The following NCS1 variants were observed in gnomAD, a reference collection of about 807,000 sequenced individuals.
The protein encoded by NCS1 is frequenin homolog.
A neutral mutation model predicts 28.4 loss-of-function variants in NCS1; 6 were observed. The observed-to-expected ratio is 0.21, with a 90% CI of 0.12 to 0.42. The LOEUF is 0.42. NCS1 is among the 10% of genes least tolerant of loss of function. The probability of loss-of-function intolerance (pLI) is 1.00; values close to 1 mark genes in which losing one functional copy is unlikely to be tolerated. For synonymous variants in NCS1, 86 were observed against 99.3 expected, an observed-to-expected ratio of 0.87 and a Z score of 0.79; for missense variants, 131 against 241.4, an observed-to-expected ratio of 0.54 and a Z score of 3.03.
At chr9:130,227,432 G>A (rs1316858165) in intron 7 of NCS1, among the ~76,000 whole-genome samples, 1 of 152,206 alleles carries the variant, frequency 6.6e-6, no homozygotes, top group Non-Finnish European at 1.5e-5. Flanking sequence ...TAGAATTGCT[G>A]GGACATAGGA....
intron 4 of NCS1, among the ~76,000 whole-genome samples, chr9:130,221,940 A>G (rs190993852): frequency 6.2e-5 from 6 of 96,130 alleles, no homozygotes; most frequent in Non-Finnish European, 1.2e-4. Context: ...AATTATGTAT[A>G]TATAAATATA....
chr9:130,236,733 C>T lies in NCS1; in HGVS notation c.*3761C>T, dbSNP rs1833600389. 6.6e-6 allele frequency: 1 copy of T among 152,326 alleles called. No homozygotes were observed. The highest frequency in any genetic ancestry group is 1.5e-5 in the Non-Finnish European group (1 of 68,068). 9.4% of individuals were successfully genotyped at this position (152,326 alleles called of 1,614,324 possible). ...GTCGCCCTCCCCAGTCTGCACATTCCCTGTTGTCCCTGTTCCTGCAGTGGC... is the reference window on the plus strand; with the variant it reads ...GTCGCCCTCCCCAGTCTGCACATTCTCTGTTGTCCCTGTTCCTGCAGTGGC... On this transcript the variant is annotated 3_prime_UTR_variant, in exon 8 of 8. Coordinates refer to ENST00000372398, the MANE Select transcript of NCS1 (RefSeq NM_014286.4).
Position 130,212,291 on chromosome 9 carries a change from C to G in NCS1, c.90-5541C>G, listed in dbSNP as rs537274009. Among the ~76,000 whole-genome samples, 198 of 152,176 alleles carry G rather than the reference C, an allele frequency of 1.3e-3. 2 individuals carry two copies. Among genetic ancestry groups the G allele is most frequent in the African/African-American group, 4.6e-3 (192 of 41,528 alleles). ...CCAGAGACCATCTGGTCCAGTGGTT[C>G]TCAACCTGGGTGGTTCTGCCCCCGA... On this transcript the variant is annotated intron_variant, in intron 2 of 7. Transcript: ENST00000372398.
rs1554904536 is a variant in NCS1 at position 130,175,779 on chromosome 9, T to C, written c.64+3052T>C. Among the ~76,000 whole-genome samples, 2 of 152,220 alleles carry C rather than the reference T, an allele frequency of 1.3e-5. No individual in the cohort carries two copies. The highest frequency in any genetic ancestry group is 6.5e-5 in the Admixed American group (1 of 15,284). On this transcript the variant is annotated intron_variant, in intron 1 of 7. Coordinates refer to ENST00000372398, the MANE Select transcript of NCS1 (RefSeq NM_014286.4). This position sits in a 1 kb window ranked among gnomAD's most constrained non-coding sequence, Gnocchi z 4.9. ...CCTGGCTCAAACCCTAACCCAGTCC[T>C]CAGCCTTCCACCAGCAACAGGTTAG...
chr9:130,179,086 C>A (rs1832620697), intron 1 of NCS1, among the ~76,000 whole-genome samples: 1 of 151,412 alleles, frequency 6.6e-6, no homozygotes, highest in Admixed American at 6.6e-5. Context: ...GCATCCGCCA[C>A]CACTCCCAGC....
In NCS1 at chr9:130,175,519, C is replaced by T. The variant is rs1014190568; in HGVS notation, c.64+2792C>T. ...CTGCAGATGGTGGTCCTGGGGAGCC[C>T]GGATTGAAGACCACAGTTCCAGTGT... On this transcript the variant is annotated intron_variant, in intron 1 of 7. Coordinates refer to ENST00000372398, the MANE Select transcript of NCS1 (RefSeq NM_014286.4). The surrounding 1 kb of genome is among the most constrained non-coding windows in gnomAD (Gnocchi z 4.9). Among the ~76,000 whole-genome samples, 2 of 152,148 alleles carry T rather than the reference C, an allele frequency of 1.3e-5. No individual in the cohort carries two copies. The highest frequency in any genetic ancestry group is 2.4e-5 in the African/African-American group (1 of 41,434).
chr9:130,211,346 G>A (rs2131144672), intron 2 of NCS1, among the ~76,000 whole-genome samples: 1 of 151,770 alleles, frequency 6.6e-6, no homozygotes, highest in Non-Finnish European at 1.5e-5. Flanking sequence ...GCCTGGAGAT[G>A]CTGGGGCTGG....
chr9:130,179,999 CTATCTATCT>C lies in NCS1; in HGVS notation c.64+7273_64+7281del, dbSNP rs1832631011. On this transcript the variant is annotated intron_variant, in intron 1 of 7. Coordinates refer to ENST00000372398, the MANE Select transcript of NCS1 (RefSeq NM_014286.4). The stretch of plus-strand genomic sequence containing the variant: ...TAGGGATGTCTTGCCTTCTTTTTAT[CTATCTATCT>C]ATCTATCTATCTATCTATCTATCTA... Among the ~76,000 whole-genome samples the C allele has an allele frequency of 7.3e-3, 4 of 550 alleles. No homozygotes were observed. In the Non-Finnish European group the frequency reaches 0.095, roughly 13 times the overall value. The allele number at this position is 550 out of a possible 152,430, so 0.4% of individuals were successfully genotyped here. A position where few individuals can be genotyped will look rare whatever the true frequency, so the allele number is the denominator to read the frequency against.
At chr9:130,208,288 A>T (rs1176642368) in intron 2 of NCS1, among the ~76,000 whole-genome samples, 1 of 144,818 alleles carries the variant, frequency 6.9e-6, no homozygotes, top group Non-Finnish European at 1.5e-5. Context: ...TTCTGCAACT[A>T]TTTTTTTTTT....
intron 1 of NCS1, among the ~76,000 whole-genome samples, chr9:130,189,879 AATATATATATAT>A (rs1203988125): frequency 1.9e-4 from 7 of 37,750 alleles, no homozygotes; most frequent in South Asian, 9.9e-4. Flanking sequence ...AAAAAAAAAA[AATATATATATAT>A]ATATATATAT....
intron 7 of NCS1, among the ~76,000 whole-genome samples, chr9:130,231,911 G>A (rs1833506145): frequency 6.6e-6 from 1 of 151,562 alleles, no homozygotes; most frequent in Admixed American, 6.6e-5. Context: ...CCTAGTGGGT[G>A]TGAAGTGGTT....
rs928803663 is a variant in NCS1, at chr9:130,177,820, T to C, written c.64+5093T>C. Among the ~76,000 whole-genome samples the C allele has an allele frequency of 1.8e-4, 28 of 152,142 alleles. No homozygotes were observed. The highest frequency in any genetic ancestry group is 6.5e-4 in the African/African-American group (27 of 41,430). On this transcript the variant is annotated intron_variant, in intron 1 of 7. Transcript: ENST00000372398. This position sits in a 1 kb window ranked among gnomAD's most constrained non-coding sequence, Gnocchi z 4.4. ...GAGCGGGCCAGAAAGACAAAGGGGTTGTTTGGCAGGAGAGTCCCTGGGAGG... is the reference window on the plus strand; with the variant it reads ...GAGCGGGCCAGAAAGACAAAGGGGTCGTTTGGCAGGAGAGTCCCTGGGAGG...
At chr9:130,179,410 A>G (rs1487477059) in intron 1 of NCS1, among the ~76,000 whole-genome samples, 1 of 152,204 alleles carries the variant, frequency 6.6e-6, no homozygotes, top group Non-Finnish European at 1.5e-5. Context: ...GTCATTGGAC[A>G]GTTAGCTTCC....
chr9:130,219,600 C>A lies in NCS1; in HGVS notation c.229-125C>A. 1.2e-6 allele frequency: 1 copy of A among 839,964 alleles called. No homozygotes were observed. The allele number at this position is 839,964 out of a possible 1,614,324, so 52.0% of individuals were successfully genotyped here. A position where few individuals can be genotyped will look rare whatever the true frequency, so the allele number is the denominator to read the frequency against. ...CCCCATTCCTTCGAGCCTGCCCTCT[C>A]CACCTGAGTGTCCATTGGCCACAGT... On this transcript the variant is annotated intron_variant, in intron 3 of 7. Transcript: ENST00000372398. The surrounding 1 kb of genome is among the most constrained non-coding windows in gnomAD (Gnocchi z 5.7).
At chr9:130,214,430 A>G (rs1390736728) in intron 2 of NCS1, among the ~76,000 whole-genome samples, 3 of 152,250 alleles carry the variant, frequency 2.0e-5, no homozygotes, top group Admixed American at 6.5e-5. Context: ...AATGCAAGGA[A>G]GTGAGGCTTC....
chr9:130,223,850 C>CT (rs1172041445), intron 6 of NCS1, among the ~76,000 whole-genome samples: 3 of 151,008 alleles, frequency 2.0e-5, no homozygotes, highest in African/African-American at 4.9e-5. Context: ...AAACCCTTCT[C>CT]TTTTTTTTTG....
rs1832823860 is a variant in NCS1 at position 130,192,126 on chromosome 9, TG to T, written c.65-8830del. Reference sequence around the variant, plus strand: ...GCCCAGCTGCCCTTTAGCCAGGCAGTGGTGGCAGACAGGTATGGGATTGGGA... The same window carrying T: ...GCCCAGCTGCCCTTTAGCCAGGCAGTGTGGCAGACAGGTATGGGATTGGGA... On this transcript the variant is annotated intron_variant, in intron 1 of 7. Coordinates refer to ENST00000372398, the MANE Select transcript of NCS1 (RefSeq NM_014286.4). The surrounding 1 kb of genome is among the most constrained non-coding windows in gnomAD (Gnocchi z 4.8). Among the ~76,000 whole-genome samples the T allele has an allele frequency of 6.6e-6, 1 of 152,068 alleles. No individual in the cohort carries two copies. Among genetic ancestry groups the T allele is most frequent in the Admixed American group, 6.5e-5 (1 of 15,272 alleles).
At chr9:130,213,739 C>T (rs1833146392) in intron 2 of NCS1, among the ~76,000 whole-genome samples, 1 of 152,128 alleles carries the variant, frequency 6.6e-6, no homozygotes, top group East Asian at 1.9e-4. Context: ...ACATGAGGCA[C>T]GTGCTTATTT....
intron 4 of NCS1, among the ~76,000 whole-genome samples, chr9:130,221,176 A>G (rs1833280134): frequency 6.6e-6 from 1 of 151,680 alleles, no homozygotes; most frequent in Non-Finnish European, 1.5e-5. Context: ...GGCATGTGCC[A>G]CCACACCTGG....
Sources: allele counts gnomAD v4.1 joint callset (sites outside exome capture counted in the v4.1 genomes callset), GRCh38; gene constraint gnomAD v4.1.1; non-coding constraint Gnocchi (gnomAD v3.1); transcripts MANE v1.5; gene names NCBI Gene and HGNC (gene_info 2026-07-23, HGNC 2026-07-21).